The following ARFGEF1 variants were observed in gnomAD, a reference collection of about 807,000 sequenced individuals.
ARFGEF1 encodes brefeldin A-inhibited guanine nucleotide-exchange protein 1.
Under a neutral mutation model 231.0 loss-of-function variants are expected in ARFGEF1, and 42 were observed. That is an observed-to-expected ratio of 0.18 (90% CI 0.14 to 0.24). ARFGEF1 has a LOEUF of 0.24. Ranked by LOEUF, ARFGEF1 falls within the 10% of genes least tolerant of loss-of-function variation. The probability of loss-of-function intolerance (pLI) is 1.00; values close to 1 mark genes in which losing one functional copy is unlikely to be tolerated. For synonymous variants in ARFGEF1, 710 were observed against 732.3 expected (o/e 0.97, Z 0.49); for missense variants, 1,345 against 2,192.0 (o/e 0.61, Z 7.72).
rs1838215642 is a variant in ARFGEF1 at position 67,199,057 on chromosome 8, T to C, written c.5427A>G (p.Glu1809=). 1.2e-6 allele frequency: 2 copies of C among 1,611,598 alleles called. No homozygotes were observed. The highest frequency in any genetic ancestry group is 1.7e-6 in the Non-Finnish European group (2 of 1,179,450). Residue 1809 remains glutamate, a synonymous_variant, in exon 39 of 39, where the codon GAA becomes GAG. Transcript: ENST00000262215. The stretch of plus-strand genomic sequence containing the variant: ...CAGGAATCAAGTCAAATTGCATAAT[T>C]TCACATAAGAGAGGGTAGTAGAATG... ...HASFYYPLLC[E]IMQFDLIPEL...
chr8:67,247,133 C>A (rs561612101), intron 19 of ARFGEF1, among the ~76,000 whole-genome samples: 2 of 150,482 alleles, frequency 1.3e-5, no homozygotes, highest in Admixed American at 6.6e-5. Flanking sequence ...AGCGTGAAAT[C>A]TGATGGCTTC....
intron 4 of ARFGEF1, among the ~76,000 whole-genome samples, chr8:67,297,279 C>G (rs887098258): frequency 6.6e-6 from 1 of 152,174 alleles, no homozygotes; most frequent in Admixed American, 6.5e-5. Context: ...ACTAGACCAT[C>G]AACTTGGGAA....
rs34333039 is a variant in ARFGEF1 at position 67,244,242 on chromosome 8, CAAAAAAAAA to C, written c.2851-3961_2851-3953del. ...TGGGCGACAAAGCGAGACTCCACCT[CAAAAAAAAA>C]AAAAAAAAAAAAAAAAACATTCGAC... On this transcript the variant is annotated intron_variant, in intron 19 of 38. Coordinates refer to ENST00000262215, the MANE Select transcript of ARFGEF1 (RefSeq NM_006421.5). 1.3e-3 allele frequency among the ~76,000 whole-genome samples: 27 copies of C among 20,096 alleles called. 1 individual carries two copies. Among genetic ancestry groups the C allele is most frequent in the African/African-American group, 3.8e-3 (26 of 6,892 alleles). The allele number at this position is 20,096 out of a possible 152,430, so 13.2% of individuals were successfully genotyped here. A position where few individuals can be genotyped will look rare whatever the true frequency, so the allele number is the denominator to read the frequency against.
At chr8:67,220,850 A>C (rs1839126965) in intron 29 of ARFGEF1, among the ~76,000 whole-genome samples, 1 of 151,350 alleles carries the variant, frequency 6.6e-6, no homozygotes, top group Admixed American at 6.6e-5. Flanking sequence ...ACAAAGATCA[A>C]TCGTTTCCAA....
In ARFGEF1 at chr8:67,253,439, T is replaced by C. The variant is rs751905606; in HGVS notation, c.2698+12A>G. The C allele has an allele frequency of 6.6e-7, 1 of 1,507,488 alleles. No homozygotes were observed. Among genetic ancestry groups the C allele is most frequent in the South Asian group, 1.2e-5 (1 of 83,292 alleles). The allele number at this position is 1,507,488 out of a possible 1,614,324, so 93.4% of individuals were successfully genotyped here. A position where few individuals can be genotyped will look rare whatever the true frequency, so the allele number is the denominator to read the frequency against. On this transcript the variant is annotated intron_variant, in intron 18 of 38. Transcript: ENST00000262215. ...CTTGAACAATCAGAATTCAATTAAT[T>C]TAGATACTTACTCTGTTTACTTGAT...
intron 5 of ARFGEF1, chr8:67,190,872 A>T: frequency 1.4e-6 from 1 of 729,134 alleles, no homozygotes; most frequent in Non-Finnish European, 2.4e-6. Context: ...AAATTCAGAC[A>T]TGGGTCTGAA....
chr8:67,211,368 A>AAG lies in ARFGEF1; in HGVS notation c.4819+114_4819+115insCT, dbSNP rs1176673836. The AAG allele has an allele frequency of 4.5e-5, 27 of 597,112 alleles. No individual in the cohort carries two copies. In the African/African-American group the frequency reaches 4.9e-4, roughly 11 times the overall value. 37.0% of individuals were successfully genotyped at this position (597,112 alleles called of 1,614,324 possible). ...CTCAAAAAAAAAAAAAAAAAAAAGA[A>AAG]GTGATGACACAATCAATTATAGTAT... On this transcript the variant is annotated intron_variant, in intron 34 of 38. Transcript: ENST00000262215.
At chr8:67,225,897 T>C in intron 28 of ARFGEF1, 126 bp downstream of exon 28, 1 of 937,010 alleles carries the variant, frequency 1.1e-6, no homozygotes, top group Non-Finnish European at 1.5e-6. Flanking sequence ...GGAATCAGGC[T>C]GCTCAGATTA....
intron 30 of ARFGEF1, among the ~76,000 whole-genome samples, chr8:67,218,592 A>G (rs1839038626): frequency 6.6e-6 from 1 of 152,086 alleles, no homozygotes; most frequent in Non-Finnish European, 1.5e-5. Context: ...AAGTATGGTT[A>G]TCTGAAAACA....
intron 1 of ARFGEF1, among the ~76,000 whole-genome samples, chr8:67,331,451 G>T (rs1216900732): frequency 6.6e-6 from 1 of 152,110 alleles, no homozygotes; most frequent in African/African-American, 2.4e-5. Context: ...CAACTAGAAG[G>T]TGCTGTCTAT....
At chr8:67,181,338 ATTTTTTTTTT>A (rs58029238) in intron 5 of ARFGEF1, among the ~76,000 whole-genome samples, 2 of 112,642 alleles carry the variant, frequency 1.8e-5, no homozygotes, top group East Asian at 2.5e-4. Flanking sequence ...GTACCTGGCC[ATTTTTTTTTT>A]TTTTTTTTTT....
chr8:67,270,956 G>A (rs188633924), intron 10 of ARFGEF1, among the ~76,000 whole-genome samples: 9 of 149,172 alleles, frequency 6.0e-5, no homozygotes, highest in Admixed American at 5.4e-4. Flanking sequence ...CCCAGCAGGC[G>A]GAGGTTGTGC....
Position 67,198,621 on chromosome 8 carries a change from G to GT in ARFGEF1, c.*312dup, listed in dbSNP as rs1838197982. The GT allele has an allele frequency of 1.8e-6, 2 of 1,081,218 alleles. No individual in the cohort carries two copies. The highest frequency in any genetic ancestry group is 5.2e-5 in the Admixed American group (1 of 19,406). 67.0% of individuals were successfully genotyped at this position (1,081,218 alleles called of 1,614,324 possible). On this transcript the variant is annotated 3_prime_UTR_variant, in exon 39 of 39. Transcript: ENST00000262215. ...AATCTTTACATCTATAGTTCTTTGG[G>GT]TAAGTTTCACTTCCACACCTGCCAA...
chr8:67,282,204 T>A (rs1359408490), intron 7 of ARFGEF1, among the ~76,000 whole-genome samples: 1 of 152,036 alleles, frequency 6.6e-6, no homozygotes, highest in Admixed American at 6.6e-5. Flanking sequence ...AGCCAAAATA[T>A]TTTACATAAT....
In ARFGEF1 at chr8:67,299,439, A is replaced by G. The variant is rs925443664; in HGVS notation, c.313-84T>C. On this transcript the variant is annotated intron_variant, in intron 3 of 38. Coordinates refer to ENST00000262215, the MANE Select transcript of ARFGEF1 (RefSeq NM_006421.5). ...ATGCAATATACATTAAAATTACAGT[A>G]TACAATTGAATATACATAAAATTTT... 4.9e-6 allele frequency: 6 copies of G among 1,223,794 alleles called. No homozygotes were observed. In the East Asian group the frequency reaches 1.4e-4, roughly 28 times the overall value. The allele number at this position is 1,223,794 out of a possible 1,614,324, so 75.8% of individuals were successfully genotyped here.
chr8:67,279,608 T>C (rs574725861), intron 7 of ARFGEF1, among the ~76,000 whole-genome samples: 2 of 152,324 alleles, frequency 1.3e-5, no homozygotes, highest in East Asian at 3.9e-4. Context: ...CTCCTTTCCA[T>C]CTCAAGAAAT....
intron 1 of ARFGEF1, among the ~76,000 whole-genome samples, chr8:67,305,243 A>C (rs371316499): frequency 2.0e-5 from 3 of 152,330 alleles, no homozygotes; most frequent in African/African-American, 7.2e-5. Context: ...GAAGCCTACC[A>C]TAAGTTTTTG....
intron 15 of ARFGEF1, 61 bp downstream of exon 15, chr8:67,259,754 A>T (rs1840581283): frequency 7.7e-7 from 1 of 1,295,650 alleles, no homozygotes; most frequent in Non-Finnish European, 1.1e-6. Flanking sequence ...GTCTCTAATA[A>T]AAAGAAAAAA....
intron 34 of ARFGEF1, among the ~76,000 whole-genome samples, chr8:67,206,911 T>C (rs1838543278): frequency 6.6e-6 from 1 of 152,254 alleles, no homozygotes; most frequent in African/African-American, 2.4e-5. Flanking sequence ...TTTCTGGCAC[T>C]AATGTGTGGA....
Sources: gnomAD v4.1 joint callset for allele counts (sites outside exome capture counted in the v4.1 genomes callset) on GRCh38, gnomAD v4.1.1 for gene constraint, MANE v1.5 for transcripts, NCBI Gene and HGNC (gene_info 2026-07-23, HGNC 2026-07-21) for gene names.